KIF16B: variants seen among roughly 807,000 people sequenced by gnomAD.
KIF16B encodes the protein kinesin-like protein KIF16B.
In KIF16B, 98 loss-of-function variants were observed where a neutral mutation model predicts 156.3. The ratio of observed to expected loss-of-function variants is 0.63; its 90% confidence interval spans 0.53 to 0.74. The LOEUF is 0.74. Among genes scored for constraint, KIF16B ranks in the 30% least tolerant of loss-of-function variants. The pLI, the probability that KIF16B is intolerant of heterozygous loss-of-function variation, is 0.00. For synonymous variants in KIF16B, 564 were observed against 583.7 expected, an observed-to-expected ratio of 0.97 and a Z score of 0.49; for missense variants, 1,421 against 1,606.5, an observed-to-expected ratio of 0.88 and a Z score of 1.97.
intron 12 of KIF16B, among the ~76,000 whole-genome samples, chr20:16,440,555 ACACACACACACACACACACACACACAC>A (rs2066769889): frequency 1.1e-5 from 1 of 94,044 alleles, no homozygotes; most frequent in Non-Finnish European, 2.3e-5. Context: ...ACACACACAC[ACACACACACACACACACACACACACAC>A]ACAGGTACAC....
At chr20:16,446,180 GA>G (rs2096066096) in intron 12 of KIF16B, among the ~76,000 whole-genome samples, 1 of 152,120 alleles carries the variant, frequency 6.6e-6, no homozygotes, top group South Asian at 2.1e-4. Context: ...TAAACCATGA[GA>G]AAACAATCAA....
At chr20:16,393,919 C>T (rs2065431629) in intron 17 of KIF16B, among the ~76,000 whole-genome samples, 1 of 152,098 alleles carries the variant, frequency 6.6e-6, no homozygotes, top group African/African-American at 2.4e-5. Context: ...TGCAAAGATC[C>T]AGAAGCAAAA....
chr20:16,504,292 G>A (rs550813569), intron 10 of KIF16B, 80 bp downstream of exon 10: 1 of 1,394,630 alleles, frequency 7.2e-7, no homozygotes, highest in South Asian at 1.3e-5. Flanking sequence ...TAGCATGAGT[G>A]AGAAAATTGT....
chr20:16,349,300 C>T (rs1014859635), intron 23 of KIF16B, among the ~76,000 whole-genome samples: 24 of 152,216 alleles, frequency 1.6e-4, no homozygotes, highest in African/African-American at 5.8e-4. Context: ...CCTCCTTCCT[C>T]TACATCTCTG....
At chr20:16,542,024 C>T (rs1043504927) in intron 1 of KIF16B, among the ~76,000 whole-genome samples, 14 of 152,196 alleles carry the variant, frequency 9.2e-5, no homozygotes, top group Non-Finnish European at 1.6e-4. Context: ...TACCAACCTC[C>T]CCTTTAAAAT....
In KIF16B at chr20:16,530,867, A is replaced by G. The variant is rs1460223756; in HGVS notation, c.48-2427T>C. Among the ~76,000 whole-genome samples the G allele has an allele frequency of 3.3e-5, 5 of 151,908 alleles. No individual in the cohort carries two copies. In the East Asian group the frequency reaches 9.7e-4, roughly 29 times the overall value. On this transcript the variant is annotated intron_variant, in intron 1 of 25. Transcript: ENST00000354981. The stretch of plus-strand genomic sequence containing the variant: ...CAGGCACGCACCACTGCACCTGCCT[A>G]TTTTTGTATTTTTTGTAGAGATGGA...
rs1471563284 is a variant in KIF16B, at chr20:16,544,625, A to AC, written c.48-16186_48-16185insG. Among the ~76,000 whole-genome samples the AC allele has an allele frequency of 2.2e-3, 333 of 151,408 alleles. 1 individual carries two copies. Among genetic ancestry groups the AC allele is most frequent in the African/African-American group, 7.0e-3 (287 of 41,284 alleles). ...GCCATCTCAAAAAAAAAAAAAAAAA[A>AC]AAAAAACTTCCTCTTCCAGGAAGCC... On this transcript the variant is annotated intron_variant, in intron 1 of 25. Coordinates refer to ENST00000354981, the MANE Select transcript of KIF16B (RefSeq NM_024704.5).
At chr20:16,477,187 G>GTTTTTT (rs1568580585) in intron 12 of KIF16B, among the ~76,000 whole-genome samples, 1 of 100,048 alleles carries the variant, frequency 1.0e-5, no homozygotes, top group Non-Finnish European at 1.9e-5. Context: ...TTTCCTTGTG[G>GTTTTTT]GTTTTTTTTT....
chr20:16,479,962 C>T (rs2067932330), intron 12 of KIF16B, among the ~76,000 whole-genome samples: 1 of 152,168 alleles, frequency 6.6e-6, no homozygotes. Flanking sequence ...AGCTTTCAGA[C>T]CTCAGGCTAG....
rs2122213925 is a variant in KIF16B at position 16,272,425 on chromosome 20, T to C, written c.*828A>G. On this transcript the variant is annotated 3_prime_UTR_variant, in exon 26 of 26. Coordinates refer to ENST00000354981, the MANE Select transcript of KIF16B (RefSeq NM_024704.5). ...TCTAGTTTTCCAGCCAAAGATCCAA[T>C]AGATTCTGTAACAAAAAATGTGAAT... The C allele has an allele frequency of 6.5e-6, 1 of 152,706 alleles. No individual in the cohort carries two copies. The highest frequency in any genetic ancestry group is 1.5e-5 in the Non-Finnish European group (1 of 68,022). The allele number at this position is 152,706 out of a possible 1,614,324, so 9.5% of individuals were successfully genotyped here.
chr20:16,472,317 T>C (rs111845830), intron 12 of KIF16B, among the ~76,000 whole-genome samples: 134 of 152,176 alleles, frequency 8.8e-4, no homozygotes, highest in African/African-American at 2.9e-3. Flanking sequence ...AAGTACTTTA[T>C]ATAGATTATC....
intron 12 of KIF16B, among the ~76,000 whole-genome samples, chr20:16,457,448 T>C (rs1432877333): frequency 6.6e-6 from 1 of 152,208 alleles, no homozygotes; most frequent in African/African-American, 2.4e-5. Context: ...TTTAAACTTA[T>C]GTTTTGATGT....
chr20:16,318,431 G>A lies in KIF16B; in HGVS notation c.3712-6013C>T, dbSNP rs576852860. ...AAGGGTAATAAAGAGGAAGCAAAGC[G>A]AGCCAGTTCTTGGAGAAACGGCTGA... On this transcript the variant is annotated intron_variant, in intron 24 of 25. Coordinates refer to ENST00000354981, the MANE Select transcript of KIF16B (RefSeq NM_024704.5). Among the ~76,000 whole-genome samples the A allele has an allele frequency of 2.0e-5, 3 of 152,252 alleles. No homozygotes were observed. In the East Asian group the frequency reaches 5.8e-4, roughly 29 times the overall value.
chr20:16,522,273 C>A (rs1351298570), intron 3 of KIF16B, among the ~76,000 whole-genome samples: 1 of 151,986 alleles, frequency 6.6e-6, no homozygotes, highest in East Asian at 1.9e-4. Flanking sequence ...ATTCAGGAGA[C>A]CCATCTCACA....
rs535901870 is a variant in KIF16B at position 16,468,187 on chromosome 20, C to T, written c.1302+26104G>A. Among the ~76,000 whole-genome samples, 186 of 152,154 alleles carry T rather than the reference C, an allele frequency of 1.2e-3. 1 individual carries two copies. The highest frequency in any genetic ancestry group is 4.1e-3 in the African/African-American group (171 of 41,518). ...AAGTAAAGACCTGGAAAAAGAAATA[C>T]CATGCTACTCTAATCAAAAGAAAGT... On this transcript the variant is annotated intron_variant, in intron 12 of 25. Coordinates refer to ENST00000354981, the MANE Select transcript of KIF16B (RefSeq NM_024704.5).
rs574939530 is a variant in KIF16B, at chr20:16,462,418, C to T, written c.1302+31873G>A. Among the ~76,000 whole-genome samples the T allele has an allele frequency of 2.6e-5, 4 of 152,202 alleles. No individual in the cohort carries two copies. In the South Asian group the frequency reaches 6.3e-4, roughly 24 times the overall value. ...CCCATGCTAAATTTTCTACAGTACA[C>T]TTGATGTGCCAAACAGAGAAAATTC... is the stretch of plus-strand genomic sequence containing the variant. On this transcript the variant is annotated intron_variant, in intron 12 of 25. Coordinates refer to ENST00000354981, the MANE Select transcript of KIF16B (RefSeq NM_024704.5).
At chr20:16,367,037 C>T (rs1345897141) in intron 22 of KIF16B, 5 of 1,363,874 alleles carry the variant, frequency 3.7e-6, no homozygotes, top group East Asian at 2.6e-5. Flanking sequence ...TTTCCAGTTC[C>T]AATTCAATTA....
At chr20:16,398,552 G>A (rs1280802382) in intron 17 of KIF16B, among the ~76,000 whole-genome samples, 1 of 152,138 alleles carries the variant, frequency 6.6e-6, no homozygotes, top group Admixed American at 6.5e-5. Flanking sequence ...CATGCCAATC[G>A]GAGCTCTGCA....
At position 16,293,374 on chromosome 20, in the gene KIF16B, C is replaced by T. The variant is rs1245090704; in HGVS notation, c.3795+18961G>A. 2.0e-5 allele frequency among the ~76,000 whole-genome samples: 3 copies of T among 152,148 alleles called. No individual in the cohort carries two copies. In the East Asian group the frequency reaches 5.8e-4, roughly 29 times the overall value. ...AAAATGGTTTTGAACTGCTTAGCAG[C>T]AGCACTGGAGTTAGAAGACAATGGA... is the stretch of plus-strand genomic sequence containing the variant. On this transcript the variant is annotated intron_variant, in intron 25 of 25. Transcript: ENST00000354981.
Sources: gnomAD v4.1 joint callset for allele counts (sites outside exome capture counted in the v4.1 genomes callset) on GRCh38, gnomAD v4.1.1 for gene constraint, MANE v1.5 for transcripts, NCBI Gene and HGNC (gene_info 2026-07-23, HGNC 2026-07-21) for gene names.